The following NCAM1 variants were observed in gnomAD, a reference collection of about 807,000 sequenced individuals.
NCAM1 encodes antigen recognized by monoclonal antibody 5.1H11.
Under a neutral mutation model 109.8 loss-of-function variants are expected in NCAM1, and 14 were observed. The observed-to-expected ratio is 0.13, with a 90% CI of 0.08 to 0.20. NCAM1 has a LOEUF of 0.20. NCAM1 is among the 10% of genes least tolerant of loss of function. The probability of loss-of-function intolerance (pLI) is 1.00; values close to 1 mark genes in which losing one functional copy is unlikely to be tolerated. For missense variants in NCAM1, 774 were observed against 1,109.9 expected (o/e 0.70, Z 4.30); for synonymous variants, 418 against 442.9 (o/e 0.94, Z 0.70).
chr11:113,117,747 C>G lies in NCAM1; in HGVS notation c.53-84632C>G, dbSNP rs560731447. ...CTGTGAGACTTCTTAGCCTTCTTAG[C>G]CTTTTAGTTTAAAGCCAGAACAGAA... On this transcript the variant is annotated intron_variant, in intron 1 of 19. Transcript: ENST00000316851. Among the ~76,000 whole-genome samples, 90 of 152,104 alleles carry G rather than the reference C, an allele frequency of 5.9e-4. 1 individual carries two copies. Among genetic ancestry groups the G allele is most frequent in the African/African-American group, 2.0e-3 (84 of 41,382 alleles).
At chr11:113,086,887 A>G (rs1939116295) in intron 1 of NCAM1, among the ~76,000 whole-genome samples, 1 of 152,224 alleles carries the variant, frequency 6.6e-6, no homozygotes, top group South Asian at 2.1e-4. Context: ...GAAAAATAAC[A>G]GGTTTTATTT....
At chr11:113,214,609 G>C in intron 8 of NCAM1, 98 bp downstream of exon 8, 1 of 1,383,744 alleles carries the variant, frequency 7.2e-7, no homozygotes, top group Non-Finnish European at 9.8e-7. Context: ...TGGGAGATGG[G>C]TTATGGTCAC....
chr11:113,108,292 A>T (rs1940263586), intron 1 of NCAM1, among the ~76,000 whole-genome samples: 1 of 152,198 alleles, frequency 6.6e-6, no homozygotes, highest in Non-Finnish European at 1.5e-5. Context: ...GAAATCAGTG[A>T]ATGTTAATTA....
intron 1 of NCAM1, among the ~76,000 whole-genome samples, chr11:113,024,263 T>C (rs965650527): frequency 6.6e-6 from 1 of 152,218 alleles, no homozygotes; most frequent in Non-Finnish European, 1.5e-5. Flanking sequence ...GGGTAATTTG[T>C]GATCTACTGC....
At chr11:112,964,334 G>A (rs552145606) in intron 1 of NCAM1, among the ~76,000 whole-genome samples, 4 of 151,992 alleles carry the variant, frequency 2.6e-5, no homozygotes, top group African/African-American at 9.6e-5. Context: ...TACAATGAAA[G>A]GTTGTGCAAT....
chr11:113,031,846 CA>C (rs1203349486), intron 1 of NCAM1, among the ~76,000 whole-genome samples: 2 of 152,184 alleles, frequency 1.3e-5, no homozygotes, highest in African/African-American at 4.8e-5. Context: ...TTGGGGGTTA[CA>C]AATAAATTTC....
Position 113,224,545 on chromosome 11 carries a change from C to T in NCAM1, c.1089+3220C>T, listed in dbSNP as rs576328298. On this transcript the variant is annotated intron_variant, in intron 9 of 19. Transcript: ENST00000316851. ...AAACAAAAGGCAGCAGAAACCTCTG[C>T]AGACTTAAATGTCCCTGTCTGACAG... Among the ~76,000 whole-genome samples, 15 of 152,364 alleles carry T rather than the reference C, an allele frequency of 9.8e-5. No homozygotes were observed. The East Asian group carries it at 2.7e-3, about 27-fold the overall frequency.
chr11:113,073,541 A>G (rs1024117874), intron 1 of NCAM1, among the ~76,000 whole-genome samples: 2 of 152,224 alleles, frequency 1.3e-5, no homozygotes, highest in Admixed American at 6.5e-5. Context: ...TTAGCATGGC[A>G]TTCGACTTAC....
chr11:113,083,806 G>T (rs566103450), intron 1 of NCAM1, among the ~76,000 whole-genome samples: 1 of 152,286 alleles, frequency 6.6e-6, no homozygotes, highest in African/African-American at 2.4e-5. Context: ...CAAGGGCTTT[G>T]TCTTTGAGTG....
intron 9 of NCAM1, among the ~76,000 whole-genome samples, chr11:113,224,050 G>A (rs747364774): frequency 2.8e-4 from 43 of 152,324 alleles, no homozygotes; most frequent in Non-Finnish European, 2.5e-4. Context: ...CTGAGGTACC[G>A]GGTTCATCTC....
At chr11:113,038,570 T>G (rs1189014109) in intron 1 of NCAM1, among the ~76,000 whole-genome samples, 1 of 152,180 alleles carries the variant, frequency 6.6e-6, no homozygotes, top group Admixed American at 6.5e-5. Context: ...GCATCCAGCA[T>G]AGTAGATCTG....
chr11:113,231,829 G>A (rs782359928), intron 10 of NCAM1, 34 bp downstream of exon 10: 6 of 1,613,014 alleles, frequency 3.7e-6, no homozygotes, highest in Non-Finnish European at 4.2e-6. Context: ...CTGGGGGAGG[G>A]AGGGGCAAGG....
At chr11:113,177,902 C>G (rs2136540002) in intron 1 of NCAM1, among the ~76,000 whole-genome samples, 1 of 152,206 alleles carries the variant, frequency 6.6e-6, no homozygotes, top group East Asian at 1.9e-4. Context: ...TTCCCATGGC[C>G]TCTCCCTTCA....
At chr11:113,187,059 C>T (rs1019659261) in intron 1 of NCAM1, among the ~76,000 whole-genome samples, 1 of 152,226 alleles carries the variant, frequency 6.6e-6, no homozygotes, top group Non-Finnish European at 1.5e-5. Context: ...TGCAGGTTTG[C>T]CTCTTGCAAC....
chr11:113,140,888 C>T (rs1461253278), intron 1 of NCAM1, among the ~76,000 whole-genome samples: 1 of 150,828 alleles, frequency 6.6e-6, no homozygotes, highest in Non-Finnish European at 1.5e-5. Flanking sequence ...TTCACATCAT[C>T]CTGAGGATTT....
intron 1 of NCAM1, among the ~76,000 whole-genome samples, chr11:112,977,010 T>G (rs1951026119): frequency 6.6e-6 from 1 of 151,768 alleles, no homozygotes; most frequent in South Asian, 2.1e-4. Flanking sequence ...CGTGATACTT[T>G]GTGGGTGAAG....
At chr11:113,224,538 A>T (rs1358825824) in intron 9 of NCAM1, among the ~76,000 whole-genome samples, 1 of 152,200 alleles carries the variant, frequency 6.6e-6, no homozygotes, top group African/African-American at 2.4e-5. Context: ...GGCAGCAGAA[A>T]CCTCTGCAGA....
At chr11:113,119,756 T>C (rs1940874048) in intron 1 of NCAM1, among the ~76,000 whole-genome samples, 1 of 152,188 alleles carries the variant, frequency 6.6e-6, no homozygotes, top group Non-Finnish European at 1.5e-5. Context: ...GGGTTCAGCA[T>C]GTCTCCTCTC....
rs897103873 is a variant in NCAM1, at chr11:113,153,436, G to C, written c.53-48943G>C. ...CTGGGATTTGGCAGTGGGGAGGGGGGGCACAGAGACAGAGAGTGAGAGAGA... is the reference window on the plus strand; with the variant it reads ...CTGGGATTTGGCAGTGGGGAGGGGGCGCACAGAGACAGAGAGTGAGAGAGA... On this transcript the variant is annotated intron_variant, in intron 1 of 19. Coordinates refer to ENST00000316851, the MANE Select transcript of NCAM1 (RefSeq NM_181351.5). Among the ~76,000 whole-genome samples the C allele has an allele frequency of 2.7e-5, 4 of 149,124 alleles. 1 individual carries two copies. Among genetic ancestry groups the C allele is most frequent in the South Asian group, 4.2e-4 (2 of 4,770 alleles).
Sources: allele counts gnomAD v4.1 joint callset (sites outside exome capture counted in the v4.1 genomes callset), GRCh38; gene constraint gnomAD v4.1.1; transcripts MANE v1.5; gene names NCBI Gene and HGNC (gene_info 2026-07-23, HGNC 2026-07-21).